HLCS: variants seen among roughly 807,000 people sequenced by gnomAD.
HLCS encodes the protein holocarboxylase synthetase.
HLCS carries 53 observed loss-of-function variants against 75.0 expected under a neutral mutation model. The ratio of observed to expected loss-of-function variants is 0.71; its 90% CI spans 0.57 to 0.89. HLCS has a LOEUF of 0.89. Among genes scored for constraint, HLCS ranks in the 40% least tolerant of loss-of-function variants. The pLI, the probability that HLCS is intolerant of heterozygous loss-of-function variation, is 0.00. For synonymous variants in HLCS, 431 were observed against 428.6 expected, an observed-to-expected ratio of 1.01 and a Z score of -0.07; for missense variants, 966 against 1,074.0, an observed-to-expected ratio of 0.90 and a Z score of 1.41.
chr21:36,801,192 CCCT>C (rs1236320124), intron 6 of HLCS, among the ~76,000 whole-genome samples: 1 of 152,136 alleles, frequency 6.6e-6, no homozygotes, highest in South Asian at 2.1e-4. Flanking sequence ...CGTCAATGCC[CCCT>C]CAATGATTAC....
chr21:36,774,941 C>T (rs1044774787), intron 6 of HLCS, among the ~76,000 whole-genome samples: 2 of 152,206 alleles, frequency 1.3e-5, no homozygotes, highest in Non-Finnish European at 1.5e-5. Flanking sequence ...CTGGATTTGA[C>T]ACTACGGCCT....
At chr21:36,905,546 G>T (rs532714907) in intron 5 of HLCS, among the ~76,000 whole-genome samples, 12 of 152,242 alleles carry the variant, frequency 7.9e-5, no homozygotes, top group Admixed American at 6.5e-5. Flanking sequence ...AATTAAATAT[G>T]ATTTGGGTGG....
chr21:36,876,834 G>T (rs1462124241), intron 6 of HLCS, among the ~76,000 whole-genome samples: 1 of 152,140 alleles, frequency 6.6e-6, no homozygotes, highest in African/African-American at 2.4e-5. Context: ...TTCCATCATG[G>T]GCTAAGAGAG....
intron 1 of HLCS, among the ~76,000 whole-genome samples, chr21:36,965,860 C>T (rs1257336922): frequency 6.6e-6 from 1 of 151,958 alleles, no homozygotes; most frequent in Non-Finnish European, 1.5e-5. Flanking sequence ...AAGTGACCCT[C>T]CCGCCTCACC....
intron 1 of HLCS, among the ~76,000 whole-genome samples, chr21:36,972,718 T>TA (rs1281034989): frequency 6.6e-6 from 1 of 152,210 alleles, no homozygotes; most frequent in African/African-American, 2.4e-5. Flanking sequence ...TGAAGTGTGT[T>TA]AGAGTATGTG....
chr21:36,939,020 G>C, intron 2 of HLCS, 26 bp from the exon 3 acceptor site: 1 of 1,584,670 alleles, frequency 6.3e-7, no homozygotes, highest in Non-Finnish European at 8.5e-7. Context: ...AGAGGGAGGA[G>C]GTGGGAAAAG....
intron 9 of HLCS, among the ~76,000 whole-genome samples, chr21:36,758,046 T>G (rs2089673638): frequency 6.6e-6 from 1 of 152,200 alleles, no homozygotes; most frequent in African/African-American, 2.4e-5. Flanking sequence ...CAGAATTCAA[T>G]AAAAGCTATG....
intron 6 of HLCS, among the ~76,000 whole-genome samples, chr21:36,809,639 T>C (rs1486683735): frequency 6.6e-6 from 1 of 152,228 alleles, no homozygotes; most frequent in Admixed American, 6.5e-5. Context: ...GTTCTAGAAT[T>C]TCCATTTGGT....
At chr21:36,867,931 C>G (rs1257675092) in intron 6 of HLCS, among the ~76,000 whole-genome samples, 1 of 152,068 alleles carries the variant, frequency 6.6e-6, no homozygotes, top group African/African-American at 2.4e-5. Flanking sequence ...TTGGGAGGAT[C>G]TCTTGAGGTC....
At chr21:36,764,508 A>G (rs145992698) in intron 8 of HLCS, among the ~76,000 whole-genome samples, 449 of 152,308 alleles carry the variant, frequency 2.9e-3, no homozygotes, top group African/African-American at 9.7e-3. Context: ...CTTCAAGACC[A>G]GCCTGGGCCA....
At chr21:36,837,385 C>A (rs2062451288) in intron 6 of HLCS, among the ~76,000 whole-genome samples, 1 of 152,298 alleles carries the variant, frequency 6.6e-6, no homozygotes, top group South Asian at 2.1e-4. Flanking sequence ...AACTCGAAAT[C>A]CCCAACTACA....
chr21:36,826,178 A>G (rs1482760582), intron 6 of HLCS, among the ~76,000 whole-genome samples: 1 of 152,224 alleles, frequency 6.6e-6, no homozygotes, highest in African/African-American at 2.4e-5. Context: ...GTTCCTAACA[A>G]GCCTAGATGA....
chr21:36,862,847 T>C (rs893813041), intron 6 of HLCS, among the ~76,000 whole-genome samples: 14 of 151,910 alleles, frequency 9.2e-5, no homozygotes, highest in Non-Finnish European at 1.8e-4. Context: ...AATTCAGCAA[T>C]GGCAGAAGTG....
intron 3 of HLCS, among the ~76,000 whole-genome samples, chr21:36,937,708 C>T (rs1157393129): frequency 6.6e-6 from 1 of 152,148 alleles, no homozygotes; most frequent in East Asian, 1.9e-4. Flanking sequence ...TCCTTACTTA[C>T]AGATTCTATT....
chr21:36,933,877 T>A (rs1392304363), intron 4 of HLCS, among the ~76,000 whole-genome samples: 3 of 152,102 alleles, frequency 2.0e-5, no homozygotes, highest in African/African-American at 7.2e-5. Context: ...CGTTTTCACA[T>A]GAGAACGATG....
chr21:36,981,334 C>G (rs187956600), intron 1 of HLCS, among the ~76,000 whole-genome samples: 11 of 151,874 alleles, frequency 7.2e-5, no homozygotes, highest in Admixed American at 2.0e-4. Context: ...CATGTTACTC[C>G]TCCCTAATTC....
At chr21:36,777,222 T>C (rs2060385928) in intron 6 of HLCS, among the ~76,000 whole-genome samples, 1 of 152,200 alleles carries the variant, frequency 6.6e-6, no homozygotes, top group African/African-American at 2.4e-5. Flanking sequence ...CCCTAAAAAT[T>C]CCCCTGTGCT....
chr21:36,834,798 C>A (rs546828828), intron 6 of HLCS, among the ~76,000 whole-genome samples: 1 of 152,226 alleles, frequency 6.6e-6, no homozygotes, highest in South Asian at 2.1e-4. Flanking sequence ...TCGTGATCCG[C>A]CTGCCTCGGC....
chr21:36,953,533 G>A (rs2067770744), intron 2 of HLCS, among the ~76,000 whole-genome samples: 1 of 152,100 alleles, frequency 6.6e-6, no homozygotes, highest in Admixed American at 6.6e-5. Context: ...TGTAGCTCTG[G>A]GTCCCACTGT....
Sources: allele counts gnomAD v4.1 joint callset (sites outside exome capture counted in the v4.1 genomes callset), GRCh38; gene constraint gnomAD v4.1.1; transcripts MANE v1.5; gene names NCBI Gene and HGNC (gene_info 2026-07-23, HGNC 2026-07-21).